NFIA: variants seen among roughly 807,000 people sequenced by gnomAD.
The protein encoded by NFIA is nuclear factor I A.
NFIA carries 8 observed loss-of-function variants against 62.8 expected under a neutral mutation model. That is an observed-to-expected ratio of 0.13 (90% CI 0.07 to 0.23). The LOEUF (loss-of-function observed/expected upper bound fraction) is 0.23, where lower values mean the gene tolerates loss of function less well. Among genes scored for constraint, NFIA ranks in the 10% least tolerant of loss-of-function variants. The probability of loss-of-function intolerance (pLI) is 1.00; values close to 1 mark genes in which losing one functional copy is unlikely to be tolerated. For synonymous variants in NFIA, 235 were observed against 238.1 expected, an observed-to-expected ratio of 0.99 and a Z score of 0.12; for missense variants, 410 against 642.1, an observed-to-expected ratio of 0.64 and a Z score of 3.91.
At chr1:61,256,814 C>T (rs1404049905) in intron 2 of NFIA, among the ~76,000 whole-genome samples, 1 of 152,058 alleles carries the variant, frequency 6.6e-6, no homozygotes, top group Non-Finnish European at 1.5e-5. Context: ...ATTTAGGACC[C>T]TCTGTTGTAA....
chr1:61,457,369 T>C lies in NFIA; in HGVS notation c.*2049T>C, dbSNP rs977168321. The C allele has an allele frequency of 1.3e-5, 2 of 152,214 alleles. No individual in the cohort carries two copies. The highest frequency in any genetic ancestry group is 2.4e-5 in the African/African-American group (1 of 41,466). The allele number at this position is 152,214 out of a possible 1,614,324, so 9.4% of individuals were successfully genotyped here. A position where few individuals can be genotyped will look rare whatever the true frequency, so the allele number is the denominator to read the frequency against. On this transcript the variant is annotated 3_prime_UTR_variant, in exon 11 of 11. Coordinates refer to ENST00000403491, the MANE Select transcript of NFIA (RefSeq NM_001134673.4). This position sits in a 1 kb window ranked among gnomAD's most constrained non-coding sequence, Gnocchi z 4.2. Reference sequence around the variant, plus strand: ...TGGAGACACTTTTTGTAAATGTGACTTTTATGTCAGCCATCGTCAGTTTCA... The same window carrying C: ...TGGAGACACTTTTTGTAAATGTGACCTTTATGTCAGCCATCGTCAGTTTCA...
At chr1:61,100,369 G>A (rs1180160140) in intron 2 of NFIA, among the ~76,000 whole-genome samples, 1 of 152,126 alleles carries the variant, frequency 6.6e-6, no homozygotes, top group African/African-American at 2.4e-5. Context: ...GCTCTACTGT[G>A]TGACTGGCAG....
At chr1:61,423,710 T>C (rs2100550553) in intron 9 of NFIA, among the ~76,000 whole-genome samples, 1 of 152,326 alleles carries the variant, frequency 6.6e-6, no homozygotes, top group African/African-American at 2.4e-5. Flanking sequence ...AATTAAGGTT[T>C]TATTCAACAG....
intron 2 of NFIA, among the ~76,000 whole-genome samples, chr1:61,136,670 A>G (rs334731): frequency 0.94 from 143,143 of 152,240 alleles, 67,399 homozygotes; most frequent in Middle Eastern, 0.97. Context: ...CCAGAATTTG[A>G]CATGTTAACA....
At chr1:61,152,273 C>G (rs1237159793) in intron 2 of NFIA, among the ~76,000 whole-genome samples, 4 of 152,182 alleles carry the variant, frequency 2.6e-5, no homozygotes, top group Non-Finnish European at 2.9e-5. Context: ...GACTGAACTT[C>G]AACCTTTTAT....
chr1:61,243,003 C>T (rs902869326), intron 2 of NFIA, among the ~76,000 whole-genome samples: 2 of 151,656 alleles, frequency 1.3e-5, no homozygotes, highest in East Asian at 1.9e-4. Flanking sequence ...TGTGACTTTT[C>T]GGTCCTTTTT....
intron 9 of NFIA, among the ~76,000 whole-genome samples, chr1:61,422,591 G>A (rs1666675850): frequency 6.6e-6 from 1 of 152,020 alleles, no homozygotes; most frequent in Non-Finnish European, 1.5e-5. Flanking sequence ...ATTCATTTCT[G>A]AGGACGTAGA....
chr1:61,164,115 A>G (rs1391637918), intron 2 of NFIA, among the ~76,000 whole-genome samples: 1 of 152,190 alleles, frequency 6.6e-6, no homozygotes, highest in Non-Finnish European at 1.5e-5. Flanking sequence ...CTTACATAGC[A>G]GTGAGTCCAG....
intron 2 of NFIA, among the ~76,000 whole-genome samples, chr1:61,250,859 A>G (rs1655986118): frequency 6.6e-6 from 1 of 152,186 alleles, no homozygotes; most frequent in African/African-American, 2.4e-5. Flanking sequence ...TTTGTTGAAA[A>G]ATCAGTGTGG....
chr1:61,127,746 G>A (rs1397964886), intron 2 of NFIA, among the ~76,000 whole-genome samples: 3 of 151,880 alleles, frequency 2.0e-5, no homozygotes, highest in Non-Finnish European at 4.4e-5. Flanking sequence ...TGTTATACAG[G>A]CCTTTTAAAA....
chr1:61,359,591 G>A (rs1663172966), intron 6 of NFIA, among the ~76,000 whole-genome samples: 3 of 151,976 alleles, frequency 2.0e-5, no homozygotes, highest in African/African-American at 7.3e-5. Context: ...TTGTTTGTTT[G>A]CTTTTTTGAG....
At chr1:61,102,152 A>T (rs770025121) in intron 2 of NFIA, among the ~76,000 whole-genome samples, 1 of 152,180 alleles carries the variant, frequency 6.6e-6, no homozygotes, top group African/African-American at 2.4e-5. Context: ...TGTCATAGAA[A>T]CTCATTCTGA....
At chr1:61,142,294 C>G (rs1434863123) in intron 2 of NFIA, among the ~76,000 whole-genome samples, 1 of 152,114 alleles carries the variant, frequency 6.6e-6, no homozygotes, top group Non-Finnish European at 1.5e-5. Flanking sequence ...ATTTTAATCA[C>G]CCAAGGGCTG....
At chr1:61,445,038 G>C (rs1005877671) in intron 10 of NFIA, among the ~76,000 whole-genome samples, 4 of 152,180 alleles carry the variant, frequency 2.6e-5, no homozygotes, top group African/African-American at 9.7e-5. Context: ...GAATGATTTT[G>C]TACGCATGCT....
At chr1:61,392,527 C>G (rs1360857014) in intron 7 of NFIA, among the ~76,000 whole-genome samples, 1 of 152,118 alleles carries the variant, frequency 6.6e-6, no homozygotes, top group Non-Finnish European at 1.5e-5. Flanking sequence ...CCGAGCCACC[C>G]TCATAAAGAG....
chr1:61,404,028 G>A, intron 7 of NFIA, 76 bp from the exon 8 acceptor site: 4 of 1,503,304 alleles, frequency 2.7e-6, no homozygotes, highest in Non-Finnish European at 3.6e-6. Context: ...AGAAATAAAG[G>A]AGGAAGTTGA....
chr1:61,268,535 G>A (rs1417132977), intron 2 of NFIA, among the ~76,000 whole-genome samples: 1 of 151,970 alleles, frequency 6.6e-6, no homozygotes, highest in Non-Finnish European at 1.5e-5. Flanking sequence ...AGTTCTGAGG[G>A]TCTTCTTCTT....
At chr1:61,167,556 G>A (rs989272149) in intron 2 of NFIA, among the ~76,000 whole-genome samples, 11 of 152,110 alleles carry the variant, frequency 7.2e-5, no homozygotes, top group African/African-American at 2.7e-4. Flanking sequence ...ATCAATGTCT[G>A]TAGATTTTAT....
At chr1:61,145,918 G>A (rs1036674008) in intron 2 of NFIA, among the ~76,000 whole-genome samples, 9 of 152,192 alleles carry the variant, frequency 5.9e-5, no homozygotes, top group Admixed American at 5.9e-4. Flanking sequence ...TACAAGTCCT[G>A]TGTTTTAGTT....
Sources: gnomAD v4.1 joint callset for allele counts (sites outside exome capture counted in the v4.1 genomes callset) on GRCh38, gnomAD v4.1.1 for gene constraint, Gnocchi (gnomAD v3.1) non-coding constraint, MANE v1.5 for transcripts, NCBI Gene and HGNC (gene_info 2026-07-23, HGNC 2026-07-21) for gene names.